The following SYNPO2 variants were observed in gnomAD, a reference collection of about 807,000 sequenced individuals.
SYNPO2 encodes synaptopodin-2.
In SYNPO2, 56 loss-of-function variants were observed where a neutral mutation model predicts 85.0. The observed-to-expected ratio is 0.66, with a 90% CI of 0.53 to 0.82. The LOEUF is 0.82. Among genes scored for constraint, SYNPO2 ranks in the 40% least tolerant of loss-of-function variants. The probability of loss-of-function intolerance (pLI) is 0.00; values close to 1 mark genes in which losing one functional copy is unlikely to be tolerated. For missense variants in SYNPO2, 1,575 were observed against 1,534.2 expected, an observed-to-expected ratio of 1.03 and a Z score of -0.44; for synonymous variants, 602 against 591.1, an observed-to-expected ratio of 1.02 and a Z score of -0.27.
chr4:118,943,459 T>G (rs1471231789), intron 1 of SYNPO2, among the ~76,000 whole-genome samples: 1 of 152,184 alleles, frequency 6.6e-6, no homozygotes, highest in Non-Finnish European at 1.5e-5. Context: ...TAAATTAACA[T>G]AAGTGATGTG....
chr4:119,032,774 C>T (rs1348900508), intron 4 of SYNPO2: 1 of 871,466 alleles, frequency 1.1e-6, no homozygotes, highest in Non-Finnish European at 1.4e-6. Flanking sequence ...AATCCTAGCA[C>T]TTTGGGAGGC....
At chr4:119,055,546 T>C (rs1003978833) in intron 4 of SYNPO2, among the ~76,000 whole-genome samples, 2 of 152,246 alleles carry the variant, frequency 1.3e-5, no homozygotes, top group African/African-American at 4.8e-5. Flanking sequence ...GACTTTATCA[T>C]CTTTAAGTCT....
At chr4:118,964,424 AG>A (rs1224695391) in intron 1 of SYNPO2, among the ~76,000 whole-genome samples, 1 of 151,940 alleles carries the variant, frequency 6.6e-6, no homozygotes, top group African/African-American at 2.4e-5. Context: ...TGGGAGGTAG[AG>A]GCTGCAGTGA....
At chr4:118,977,267 T>C (rs1735812172) in intron 1 of SYNPO2, among the ~76,000 whole-genome samples, 1 of 152,212 alleles carries the variant, frequency 6.6e-6, no homozygotes. Context: ...GGGGACTCAG[T>C]ACACCCTCTG....
intron 1 of SYNPO2, among the ~76,000 whole-genome samples, chr4:118,931,261 T>C (rs774594357): frequency 1.2e-4 from 19 of 152,064 alleles, no homozygotes; most frequent in Non-Finnish European, 2.5e-4. Flanking sequence ...CTATGACTTG[T>C]CCACATTCAC....
intron 1 of SYNPO2, among the ~76,000 whole-genome samples, chr4:118,934,001 TAGAGACC>T (rs1734019971): frequency 6.6e-6 from 1 of 152,142 alleles, no homozygotes; most frequent in African/African-American, 2.4e-5. Context: ...CTGATGGTTA[TAGAGACC>T]AGTTTTTTGG....
intron 1 of SYNPO2, among the ~76,000 whole-genome samples, chr4:118,862,267 C>T (rs1560801239): frequency 1.3e-5 from 2 of 152,150 alleles, no homozygotes. Context: ...TAGATCATAT[C>T]ATCTGAAACA....
intron 1 of SYNPO2, among the ~76,000 whole-genome samples, chr4:118,974,318 G>C (rs1578601638): frequency 1.3e-5 from 2 of 152,356 alleles, no homozygotes; most frequent in Admixed American, 1.3e-4. Flanking sequence ...TTAGAGCCAA[G>C]TTATATAACA....
chr4:119,019,660 T>C (rs1195984398), intron 1 of SYNPO2, among the ~76,000 whole-genome samples: 2 of 152,174 alleles, frequency 1.3e-5, no homozygotes, highest in African/African-American at 4.8e-5. Flanking sequence ...TTATTTCTAA[T>C]CCTGATTAAA....
chr4:118,851,933 C>T (rs1731426325), intron 1 of SYNPO2, among the ~76,000 whole-genome samples: 1 of 151,958 alleles, frequency 6.6e-6, no homozygotes, highest in African/African-American at 2.4e-5. Flanking sequence ...GATACCACAC[C>T]AAAACTCAGC....
At chr4:119,043,061 G>GT (rs1553949753) in intron 4 of SYNPO2, 3 of 150,712 alleles carry the variant, frequency 2.0e-5, no homozygotes, top group Non-Finnish European at 2.9e-5. Flanking sequence ...TTGGTTGGTT[G>GT]TTTTTTTTCT....
At chr4:119,014,307 G>C (rs555276598) in intron 1 of SYNPO2, among the ~76,000 whole-genome samples, 1 of 152,122 alleles carries the variant, frequency 6.6e-6, no homozygotes, top group South Asian at 2.1e-4. Flanking sequence ...CCAGCTACTC[G>C]GGAGGCTGAG....
intron 4 of SYNPO2, chr4:119,043,382 A>T (rs1462692006): frequency 6.6e-6 from 1 of 152,202 alleles, no homozygotes; most frequent in Non-Finnish European, 1.5e-5. Flanking sequence ...TAGCTAATTC[A>T]TAATATTTTT....
chr4:119,036,618 T>C (rs1373016077), intron 4 of SYNPO2: 1 of 985,362 alleles, frequency 1.0e-6, no homozygotes, highest in Non-Finnish European at 1.2e-6. Context: ...CTAGAAAAAA[T>C]AGTACAAAAA....
At chr4:119,026,534 T>TCA in intron 2 of SYNPO2, 93 bp from the exon 3 acceptor site, 11 of 1,326,626 alleles carry the variant, frequency 8.3e-6, no homozygotes, top group Non-Finnish European at 1.0e-5. Context: ...TTTGACTATA[T>TCA]CACATATTAG....
chr4:118,976,696 CAG>C (rs1203471556), intron 1 of SYNPO2, among the ~76,000 whole-genome samples: 1 of 152,166 alleles, frequency 6.6e-6, no homozygotes, highest in Non-Finnish European at 1.5e-5. Flanking sequence ...CAGCTAGATA[CAG>C]AGTGTCGATT....
At chr4:118,928,473 G>GAA (rs35936822) in intron 1 of SYNPO2, among the ~76,000 whole-genome samples, 4 of 147,874 alleles carry the variant, frequency 2.7e-5, no homozygotes, top group African/African-American at 9.9e-5. Context: ...TCCATGCAAG[G>GAA]AAAAAAAAAA....
Position 119,030,287 on chromosome 4 carries a change from G to A in SYNPO2, c.1512G>A (p.Gln504=), listed in dbSNP as rs1738167605. 6.2e-7 allele frequency: 1 copy of A among 1,614,006 alleles called. No homozygotes were observed. The highest frequency in any genetic ancestry group is 8.5e-7 in the Non-Finnish European group (1 of 1,179,994). The part of the protein sequence containing the change: ...MFAKRRERMD[Q]ITAQKEEDKV... ...CCAAGAGGAGGGAGAGAATGGATCA[G>A]ATCACAGCCCAAAAAGAAGAGGACA... The change falls in exon 4 of 5, where the codon CAG becomes CAA. Residue 504 remains glutamine, a synonymous_variant. Transcript: ENST00000307142.
intron 1 of SYNPO2, among the ~76,000 whole-genome samples, chr4:118,853,669 G>C (rs1578500051): frequency 6.6e-6 from 1 of 152,100 alleles, no homozygotes; most frequent in Non-Finnish European, 1.5e-5. Context: ...CAAGTGGCTA[G>C]GGTGAGTTAA....
Sources: gnomAD v4.1 joint callset for allele counts (sites outside exome capture counted in the v4.1 genomes callset) on GRCh38, gnomAD v4.1.1 for gene constraint, MANE v1.5 for transcripts, NCBI Gene and HGNC (gene_info 2026-07-23, HGNC 2026-07-21) for gene names.